NRXN1: variants seen among roughly 807,000 people sequenced by gnomAD.
NRXN1 encodes the protein neurexin-1.
NRXN1 carries 39 observed loss-of-function variants against 150.9 expected under a neutral mutation model. That is an observed-to-expected ratio of 0.26 (90% confidence interval 0.20 to 0.34). The LOEUF (loss-of-function observed/expected upper bound fraction) is 0.34. Ranked by LOEUF, NRXN1 falls within the 10% of genes least tolerant of loss-of-function variation. The pLI is 1.00. For synonymous variants in NRXN1, 924 were observed against 757.0 expected (o/e 1.22, Z -3.62); for missense variants, 1,815 against 1,949.9 (o/e 0.93, Z 1.30).
intron 5 of NRXN1, among the ~76,000 whole-genome samples, chr2:50,679,169 G>C (rs954118996): frequency 1.3e-5 from 2 of 152,052 alleles, no homozygotes; most frequent in African/African-American, 2.4e-5. Flanking sequence ...TTCCCAAGGA[G>C]AAGATTAGTA....
chr2:50,903,222 T>C (rs1232961085), intron 5 of NRXN1, among the ~76,000 whole-genome samples: 2 of 152,154 alleles, frequency 1.3e-5, no homozygotes, highest in African/African-American at 4.8e-5. Context: ...GAGGACCCTT[T>C]GCAATCTCTT....
At chr2:50,181,968 G>T (rs928518588) in intron 18 of NRXN1, among the ~76,000 whole-genome samples, 8 of 151,546 alleles carry the variant, frequency 5.3e-5, no homozygotes, top group African/African-American at 9.7e-5. Context: ...CTAGGAGTAC[G>T]CTATTAATTT....
At chr2:50,738,665 A>C (rs1699057656) in intron 5 of NRXN1, among the ~76,000 whole-genome samples, 3 of 152,150 alleles carry the variant, frequency 2.0e-5, no homozygotes, top group Admixed American at 2.0e-4. Context: ...AAAACCTTTA[A>C]ATTTGGGGAG....
At chr2:50,332,337 C>T (rs2076890837) in intron 17 of NRXN1, among the ~76,000 whole-genome samples, 1 of 152,154 alleles carries the variant, frequency 6.6e-6, no homozygotes, top group Non-Finnish European at 1.5e-5. Flanking sequence ...CTTTTGCACA[C>T]TGAGATATAA....
Position 50,236,866 on chromosome 2 carries a change from T to C in NRXN1, c.3469A>G (p.Ser1157Gly). 1 of 1,613,380 alleles carries C rather than the reference T, an allele frequency of 6.2e-7. No homozygotes were observed. Among genetic ancestry groups the C allele is most frequent in the Non-Finnish European group, 8.5e-7 (1 of 1,179,666 alleles). ...AATACGGCTTCTTTCTGAACAGTGC[T>C]AAAACCTATGGCCAGTCTGTCTGCT... ...TRADRLAIGF[S>G]TVQKEAVLVR... Residue 1157 changes from serine (S) to glycine (G), a missense_variant, in exon 18 of 23, where the codon AGC becomes GGC. This residue lies in a region of NRXN1 where 339 missense variants were observed against 440.3 expected (regional missense o/e 0.77). Coordinates refer to ENST00000401669, the MANE Select transcript of NRXN1 (RefSeq NM_001330078.2).
intron 21 of NRXN1, among the ~76,000 whole-genome samples, chr2:50,018,538 T>C (rs142004881): frequency 8.5e-5 from 13 of 152,338 alleles, no homozygotes; most frequent in African/African-American, 2.9e-4. Flanking sequence ...TTCTCATCCT[T>C]TGTATTATTA....
chr2:50,966,437 G>A (rs565421917), intron 2 of NRXN1, among the ~76,000 whole-genome samples: 1 of 151,512 alleles, frequency 6.6e-6, no homozygotes, highest in Non-Finnish European at 1.5e-5. Context: ...TGACAATAAC[G>A]GAGGGCCTTA....
At chr2:50,360,148 A>AAAT (rs2079087815) in intron 17 of NRXN1, among the ~76,000 whole-genome samples, 1 of 152,210 alleles carries the variant, frequency 6.6e-6, no homozygotes, top group Non-Finnish European at 1.5e-5. Context: ...CAGTCACTGT[A>AAAT]ATGTGAAAGA....
intron 17 of NRXN1, among the ~76,000 whole-genome samples, chr2:50,265,125 T>C (rs902763844): frequency 6.6e-6 from 1 of 152,092 alleles, no homozygotes; most frequent in Non-Finnish European, 1.5e-5. Context: ...TGAAGAAGTA[T>C]AGAAACTTCT....
At chr2:50,454,662 G>A (rs1355766020) in intron 17 of NRXN1, among the ~76,000 whole-genome samples, 2 of 111,272 alleles carry the variant, frequency 1.8e-5, no homozygotes, top group African/African-American at 7.8e-5. Flanking sequence ...AATGGGCAAA[G>A]ATCACACACA....
At chr2:50,532,045 C>T (rs2093130482) in intron 10 of NRXN1, among the ~76,000 whole-genome samples, 1 of 151,938 alleles carries the variant, frequency 6.6e-6, no homozygotes, top group East Asian at 1.9e-4. Flanking sequence ...AGAGATGGGT[C>T]TCCCTTTGTT....
intron 8 of NRXN1, among the ~76,000 whole-genome samples, chr2:50,617,979 T>C (rs1288581718): frequency 2.0e-5 from 3 of 152,176 alleles, no homozygotes; most frequent in Admixed American, 1.3e-4. Context: ...ACTCAAGGAT[T>C]CCCTGCAGGA....
In NRXN1 at chr2:50,867,289, T is replaced by C. The variant is rs185092836; in HGVS notation, c.832+54580A>G. On this transcript the variant is annotated intron_variant, in intron 5 of 22. Coordinates refer to ENST00000401669, the MANE Select transcript of NRXN1 (RefSeq NM_001330078.2). ...CATGGCCCCTGATTAAGACCTGTGG[T>C]TGGGAATTCATGGGACCCTATTTAA... Among the ~76,000 whole-genome samples, 533 of 151,964 alleles carry C rather than the reference T, an allele frequency of 3.5e-3. 3 individuals carry two copies. The highest frequency in any genetic ancestry group is 0.012 in the African/African-American group (486 of 41,498).
chr2:50,086,821 TGAGAGAGAGAGA>T lies in NRXN1; in HGVS notation c.3718+4490_3718+4501del, dbSNP rs3046671. Among the ~76,000 whole-genome samples the T allele has an allele frequency of 8.1e-3, 1,153 of 142,844 alleles. 19 individuals carry two copies. Among genetic ancestry groups the T allele is most frequent in the African/African-American group, 0.028 (1,083 of 38,522 alleles). 93.7% of individuals were successfully genotyped at this position (142,844 alleles called of 152,430 possible). A position where few individuals can be genotyped will look rare whatever the true frequency, so the allele number is the denominator to read the frequency against. On this transcript the variant is annotated intron_variant, in intron 19 of 22. Transcript: ENST00000401669. ...AGAGAGGGGGAGAGGCAGAGAAGAA[TGAGAGAGAGAGA>T]GAGAGAGAGAGAGAGAGCGAGCCGA... is the stretch of plus-strand genomic sequence containing the variant.
intron 15 of NRXN1, among the ~76,000 whole-genome samples, chr2:50,483,844 A>G (rs2090667453): frequency 6.6e-6 from 1 of 152,240 alleles, no homozygotes. Context: ...ATAGGGAACA[A>G]GTAGCAGAAC....
intron 5 of NRXN1, among the ~76,000 whole-genome samples, chr2:50,633,958 G>A (rs942357031): frequency 1.3e-5 from 2 of 152,118 alleles, no homozygotes; most frequent in African/African-American, 4.8e-5. Context: ...ATTAAATTGA[G>A]ATCTTAATGC....
At chr2:50,224,708 A>AGG (rs1338718591) in intron 18 of NRXN1, among the ~76,000 whole-genome samples, 2 of 148,502 alleles carry the variant, frequency 1.3e-5, no homozygotes, top group African/African-American at 2.5e-5. Flanking sequence ...AGAGAGAGAG[A>AGG]GAGAGAGAGA....
intron 17 of NRXN1, among the ~76,000 whole-genome samples, chr2:50,358,513 G>A (rs1012145788): frequency 2.0e-5 from 3 of 152,218 alleles, no homozygotes; most frequent in Non-Finnish European, 4.4e-5. Context: ...AGCCGCTATA[G>A]CCAGACTGCC....
At chr2:50,511,368 T>C (rs1193836216) in intron 12 of NRXN1, among the ~76,000 whole-genome samples, 1 of 152,138 alleles carries the variant, frequency 6.6e-6, no homozygotes, top group East Asian at 1.9e-4. Flanking sequence ...TAACAAACTT[T>C]TAAAAAATTA....
Sources: allele counts gnomAD v4.1 joint callset (sites outside exome capture counted in the v4.1 genomes callset), GRCh38; gene constraint gnomAD v4.1.1; regional missense constraint gnomAD v4.1.1; transcripts MANE v1.5; gene names NCBI Gene and HGNC (gene_info 2026-07-23, HGNC 2026-07-21).